COMMD1: variants seen among roughly 807,000 people sequenced by gnomAD.
COMMD1 encodes COMM domain-containing protein 1.
Under a neutral mutation model 17.2 loss-of-function variants are expected in COMMD1, and 10 were observed. The ratio of observed to expected loss-of-function variants is 0.58; its 90% CI spans 0.36 to 0.99. The LOEUF (loss-of-function observed/expected upper bound fraction) is 0.99. Among genes scored for constraint, COMMD1 ranks in the 50% least tolerant of loss-of-function variants. The pLI is 0.01. For synonymous variants in COMMD1, 97 were observed against 91.6 expected (o/e 1.06, Z -0.34); for missense variants, 270 against 231.8 (o/e 1.17, Z -1.07).
chr2:61,901,620 C>G (rs568590487), upstream of COMMD1, among the ~76,000 whole-genome samples: 1 of 151,904 alleles, frequency 6.6e-6, no homozygotes. Flanking sequence ...GACACTCTGT[C>G]CCCCCACAAA....
intron 1 of COMMD1, among the ~76,000 whole-genome samples, chr2:61,942,540 C>CTTTT (rs759905506): frequency 8.9e-5 from 10 of 112,290 alleles, no homozygotes; most frequent in South Asian, 2.8e-4. Context: ...TGTGCCTGGC[C>CTTTT]TTTTTTTTTT....
intron 1 of COMMD1, among the ~76,000 whole-genome samples, chr2:61,996,647 A>G (rs1423926637): frequency 6.6e-6 from 1 of 152,160 alleles, no homozygotes; most frequent in Non-Finnish European, 1.5e-5. Flanking sequence ...TGTCACTTCA[A>G]CAATGTTCAC....
chr2:62,006,752 A>G (rs928407392), intron 2 of COMMD1, among the ~76,000 whole-genome samples: 2 of 152,176 alleles, frequency 1.3e-5, no homozygotes, highest in African/African-American at 4.8e-5. Flanking sequence ...GTCTTTAGAA[A>G]TGTTTTATAT....
intron 2 of COMMD1, among the ~76,000 whole-genome samples, chr2:62,058,569 T>A (rs1432987336): frequency 6.6e-6 from 1 of 151,510 alleles, no homozygotes; most frequent in East Asian, 1.9e-4. Context: ...AGCCCAGGAG[T>A]TTGAGACCAG....
At chr2:62,063,100 C>T (rs1216178494) in intron 2 of COMMD1, among the ~76,000 whole-genome samples, 2 of 151,894 alleles carry the variant, frequency 1.3e-5, no homozygotes, top group African/African-American at 2.4e-5. Flanking sequence ...GCCTGTAATC[C>T]CAGCTACTCA....
chr2:61,951,328 C>T (rs1029504911), intron 1 of COMMD1, among the ~76,000 whole-genome samples: 5 of 152,036 alleles, frequency 3.3e-5, no homozygotes, highest in African/African-American at 9.7e-5. Context: ...GGCATGGTGG[C>T]GCGTGCCTGT....
intron 2 of COMMD1, among the ~76,000 whole-genome samples, chr2:62,062,798 A>G (rs1670903105): frequency 1.3e-5 from 2 of 152,132 alleles, no homozygotes; most frequent in Non-Finnish European, 2.9e-5. Flanking sequence ...GGCCAGACAC[A>G]GTGGCTCACA....
chr2:62,116,545 G>A (rs1488595246), intron 2 of COMMD1, among the ~76,000 whole-genome samples: 2 of 151,996 alleles, frequency 1.3e-5, no homozygotes, highest in South Asian at 2.1e-4. Flanking sequence ...GGAGGCATGC[G>A]CCTATAGTCC....
At chr2:62,085,948 A>G (rs986641266) in intron 2 of COMMD1, among the ~76,000 whole-genome samples, 1 of 152,038 alleles carries the variant, frequency 6.6e-6, no homozygotes, top group African/African-American at 2.4e-5. Context: ...ACTGCACTCC[A>G]GCCTGGGCGA....
chr2:62,012,545 C>T (rs910683283), intron 2 of COMMD1, among the ~76,000 whole-genome samples: 8 of 151,738 alleles, frequency 5.3e-5, no homozygotes, highest in East Asian at 1.9e-4. Context: ...CTTGAACTCC[C>T]GACCTCAGTT....
intron 1 of COMMD1, among the ~76,000 whole-genome samples, chr2:61,972,893 A>G (rs950638693): frequency 2.0e-5 from 3 of 151,990 alleles, no homozygotes; most frequent in Non-Finnish European, 4.4e-5. Flanking sequence ...CTGGTCCCAA[A>G]CTCCTAACCT....
At chr2:61,958,970 G>A (rs982202435) in intron 1 of COMMD1, among the ~76,000 whole-genome samples, 7 of 152,084 alleles carry the variant, frequency 4.6e-5, no homozygotes, top group African/African-American at 1.2e-4. Flanking sequence ...TAAAGGCCGC[G>A]AACACTGATT....
intron 2 of COMMD1, among the ~76,000 whole-genome samples, chr2:62,038,407 T>G (rs1670099159): frequency 6.6e-6 from 1 of 152,206 alleles, no homozygotes; most frequent in Non-Finnish European, 1.5e-5. Flanking sequence ...AACTGAGAAA[T>G]TGAAAATGGC....
intron 2 of COMMD1, among the ~76,000 whole-genome samples, chr2:62,105,161 T>G (rs1672295715): frequency 6.6e-6 from 1 of 151,530 alleles, no homozygotes; most frequent in Non-Finnish European, 1.5e-5. Context: ...AAAGAAAATT[T>G]TATATAACAT....
At chr2:62,000,086 C>G (rs1320533893) in intron 1 of COMMD1, among the ~76,000 whole-genome samples, 2 of 151,630 alleles carry the variant, frequency 1.3e-5, no homozygotes, top group Non-Finnish European at 2.9e-5. Context: ...CTACACCCGG[C>G]CAATTTTGTA....
intron 1 of COMMD1, among the ~76,000 whole-genome samples, chr2:61,900,290 G>A (rs1005118696): frequency 6.6e-6 from 1 of 152,182 alleles, no homozygotes; most frequent in Non-Finnish European, 1.5e-5. Flanking sequence ...GCTGAAGTGG[G>A]GACTTACAAG....
chr2:62,105,367 A>C (rs892827175), intron 2 of COMMD1, among the ~76,000 whole-genome samples: 53 of 152,124 alleles, frequency 3.5e-4, no homozygotes, highest in Admixed American at 2.4e-3. Context: ...CGATAATATA[A>C]TTATTAGAAG....
intron 1 of COMMD1, among the ~76,000 whole-genome samples, chr2:61,929,339 G>A (rs755373523): frequency 1.3e-5 from 2 of 152,088 alleles, no homozygotes; most frequent in South Asian, 2.1e-4. Flanking sequence ...CTATTTTGTC[G>A]GGGTCTAGCA....
chr2:61,985,898 G>A (rs1672093709), intron 1 of COMMD1, among the ~76,000 whole-genome samples: 1 of 151,886 alleles, frequency 6.6e-6, no homozygotes, highest in Non-Finnish European at 1.5e-5. Context: ...CACAATATGA[G>A]TAGTTCACAC....
Sources: gnomAD v4.1 joint callset for allele counts (sites outside exome capture counted in the v4.1 genomes callset) on GRCh38, gnomAD v4.1.1 for gene constraint, MANE v1.5 for transcripts, NCBI Gene and HGNC (gene_info 2026-07-23, HGNC 2026-07-21) for gene names.